NCOA1: variants seen among roughly 807,000 people sequenced by gnomAD.
The protein encoded by NCOA1 is Hin-2 protein.
In NCOA1, 35 loss-of-function variants were observed where a neutral mutation model predicts 150.9. That is an observed-to-expected ratio of 0.23 (90% CI 0.18 to 0.31). The LOEUF (loss-of-function observed/expected upper bound fraction) is 0.31, where lower values mean the gene tolerates loss of function less well. Among genes scored for constraint, NCOA1 ranks in the 10% least tolerant of loss-of-function variants. The pLI is 1.00. For synonymous variants in NCOA1, 590 were observed against 630.0 expected (o/e 0.94, Z 0.95); for missense variants, 1,491 against 1,749.3 (o/e 0.85, Z 2.63).
chr2:24,628,975 A>G (rs966069120), intron 3 of NCOA1, among the ~76,000 whole-genome samples: 1 of 152,156 alleles, frequency 6.6e-6, no homozygotes, highest in Non-Finnish European at 1.5e-5. Context: ...GTGCAGGGGA[A>G]TAGATAAGGT....
At chr2:24,660,762 A>G (rs1271014703) in intron 5 of NCOA1, among the ~76,000 whole-genome samples, 1 of 152,138 alleles carries the variant, frequency 6.6e-6, no homozygotes, top group Non-Finnish European at 1.5e-5. Context: ...CCTATTTTAT[A>G]CATAAAAGTT....
At chr2:24,682,924 A>G (rs753117407) in intron 7 of NCOA1, 27 bp from the exon 8 acceptor site, 3 of 1,556,434 alleles carry the variant, frequency 1.9e-6, no homozygotes, top group South Asian at 1.2e-5. Flanking sequence ...TCAACCTCCA[A>G]ACCATTTTTT....
rs186605805 is a variant in NCOA1 at position 24,569,791 on chromosome 2, A to G, written c.-260+5361A>G. 6.0e-3 allele frequency among the ~76,000 whole-genome samples: 893 copies of G among 147,652 alleles called. 10 individuals carry two copies. The highest frequency in any genetic ancestry group is 0.021 in the African/African-American group (840 of 40,142). On this transcript the variant is annotated intron_variant, in intron 2 of 22. Coordinates refer to ENST00000348332, the MANE Select transcript of NCOA1 (RefSeq NM_003743.5). ...AGGCCGAGGCAGGAGAATCGCTTGA[A>G]CCCTGGGGGCGGAGGTTGCAGTGAG...
intron 6 of NCOA1, among the ~76,000 whole-genome samples, chr2:24,669,965 C>T (rs1022635986): frequency 6.6e-6 from 1 of 152,150 alleles, no homozygotes; most frequent in East Asian, 1.9e-4. Context: ...TAGCAAGACC[C>T]TCTGTCTACA....
chr2:24,537,849 TAC>T (rs1233221645), intron 1 of NCOA1, among the ~76,000 whole-genome samples: 1 of 152,160 alleles, frequency 6.6e-6, no homozygotes, highest in Non-Finnish European at 1.5e-5. Flanking sequence ...CTCAAATATA[TAC>T]AATAAAACTT....
chr2:24,580,559 T>G (rs1667154963), intron 2 of NCOA1, among the ~76,000 whole-genome samples: 1 of 152,236 alleles, frequency 6.6e-6, no homozygotes, highest in African/African-American at 2.4e-5. Context: ...CATCCATCCA[T>G]TACATCTTTT....
intron 3 of NCOA1, among the ~76,000 whole-genome samples, chr2:24,627,121 G>GTTTTTTTTTTTTTTTTTTTTTT (rs33949925): frequency 8.7e-6 from 1 of 115,162 alleles, no homozygotes; most frequent in African/African-American, 3.4e-5. Flanking sequence ...GTTTTTTGCT[G>GTTTTTTTTTTTTTTTTTTTTTT]TTTTTTTTTT....
chr2:24,760,274 G>C (rs1160166784), intron 21 of NCOA1, among the ~76,000 whole-genome samples: 2 of 149,022 alleles, frequency 1.3e-5, no homozygotes, highest in East Asian at 3.9e-4. Flanking sequence ...CAAGTAGCTG[G>C]GACTACAGGC....
intron 5 of NCOA1, among the ~76,000 whole-genome samples, chr2:24,665,178 G>T (rs1671360837): frequency 6.6e-6 from 1 of 151,972 alleles, no homozygotes; most frequent in Non-Finnish European, 1.5e-5. Context: ...GCTGTATACA[G>T]AATACATTGT....
chr2:24,572,285 TC>T (rs1264096750), intron 2 of NCOA1, among the ~76,000 whole-genome samples: 1 of 152,184 alleles, frequency 6.6e-6, no homozygotes, highest in African/African-American at 2.4e-5. Flanking sequence ...ATCTCTGTGT[TC>T]TCTGCAAGGA....
chr2:24,590,812 G>T (rs1158649321), intron 3 of NCOA1, among the ~76,000 whole-genome samples: 2 of 152,162 alleles, frequency 1.3e-5, no homozygotes. Context: ...GGGGAAATCA[G>T]CAATTCCTGT....
intron 18 of NCOA1, among the ~76,000 whole-genome samples, chr2:24,740,972 A>G (rs146303741): frequency 2.6e-4 from 40 of 152,272 alleles, no homozygotes; most frequent in Middle Eastern, 3.4e-3. Flanking sequence ...CTCATCCATA[A>G]TATTATAACT....
chr2:24,719,045 A>AC (rs1395052444), intron 14 of NCOA1, among the ~76,000 whole-genome samples: 1 of 150,824 alleles, frequency 6.6e-6, no homozygotes, highest in Non-Finnish European at 1.5e-5. Context: ...AAAAAAAAAA[A>AC]AAAAAAAAAA....
intron 3 of NCOA1, among the ~76,000 whole-genome samples, chr2:24,631,270 A>G (rs1669698283): frequency 6.6e-6 from 1 of 152,176 alleles, no homozygotes; most frequent in Non-Finnish European, 1.5e-5. Flanking sequence ...GGATGGCAGT[A>G]CACCTAACCT....
intron 3 of NCOA1, among the ~76,000 whole-genome samples, chr2:24,600,936 T>C (rs1427543486): frequency 6.6e-6 from 1 of 152,226 alleles, no homozygotes; most frequent in Non-Finnish European, 1.5e-5. Flanking sequence ...CAAACTGATT[T>C]TCTCTGCAAG....
rs1476923036 is a variant in NCOA1 at position 24,742,161 on chromosome 2, G to A, written c.3681G>A (p.Gln1227=). 6.2e-7 allele frequency: 1 copy of A among 1,613,322 alleles called. No homozygotes were observed. The highest frequency in any genetic ancestry group is 1.7e-5 in the Admixed American group (1 of 59,998). ...CTGGAATCAATCCTCAGATGCAGCA[G>A]AATGTCTTCCAGTATCCAGGAGCAG... ...FGTGINPQMQ[Q]NVFQYPGAGM... is the part of the protein sequence containing the mutation. Residue 1227 remains glutamine (Q), a synonymous_variant, in exon 19 of 23, where the codon CAG becomes CAA. Transcript: ENST00000348332.
rs369860118 is a variant in NCOA1, at chr2:24,658,708, C to T, written c.31C>T (p.Pro11Ser). ...TGGCCTCGGGGACAGTTCATCCGAC[C>T]CTGCTAACCCAGACTCACATAAGAG... MSGLGDSSSDPANPDSHKRKG... is the reference protein window; with the variant it reads MSGLGDSSSDSANPDSHKRKG... Residue 11 changes from proline to serine, a missense_variant, in exon 5 of 23, where the codon CCT (proline) becomes TCT (serine). By Grantham distance (74) the Pro-to-Ser change is moderately conservative. Coordinates refer to ENST00000348332, the MANE Select transcript of NCOA1 (RefSeq NM_003743.5). 62 of 1,613,860 alleles carry T rather than the reference C, an allele frequency of 3.8e-5. No homozygotes were observed. The highest frequency in any genetic ancestry group is 5.2e-5 in the Non-Finnish European group (61 of 1,179,962).
intron 5 of NCOA1, 66 bp from the exon 6 acceptor site, chr2:24,665,683 T>A (rs1297167676): frequency 8.1e-7 from 1 of 1,229,886 alleles, no homozygotes; most frequent in Non-Finnish European, 1.1e-6. Flanking sequence ...TAAGCATAGA[T>A]ACTTGATCAG....
At chr2:24,750,612 TC>T (rs1234306549) in intron 19 of NCOA1, among the ~76,000 whole-genome samples, 1 of 152,050 alleles carries the variant, frequency 6.6e-6, no homozygotes, top group African/African-American at 2.4e-5. Context: ...ACATGAAATT[TC>T]CCCCCAAAAA....
Sources: allele counts gnomAD v4.1 joint callset (sites outside exome capture counted in the v4.1 genomes callset), GRCh38; gene constraint gnomAD v4.1.1; transcripts MANE v1.5; gene names NCBI Gene and HGNC (gene_info 2026-07-23, HGNC 2026-07-21).